RALYL: variants seen among roughly 807,000 people sequenced by gnomAD.
RALYL encodes the protein RALY RNA binding protein like, also known as RNA-binding Raly-like protein.
RALYL carries 29 observed loss-of-function variants against 35.1 expected under a neutral mutation model. The ratio of observed to expected loss-of-function variants is 0.83; its 90% confidence interval spans 0.61 to 1.13. The LOEUF is 1.13. Among genes scored for constraint, RALYL ranks in the 50% most tolerant of loss-of-function variants. The pLI is 0.00. For missense variants in RALYL, 359 were observed against 360.4 expected (o/e 1.00, Z 0.03); for synonymous variants, 120 against 127.6 (o/e 0.94, Z 0.40).
chr8:84,624,084 T>C (rs144559563), intron 2 of RALYL, among the ~76,000 whole-genome samples: 173 of 152,336 alleles, frequency 1.1e-3, no homozygotes, highest in African/African-American at 4.1e-3. Context: ...ATATTCAACA[T>C]CCCTCTCTGT....
chr8:84,187,513 A>G (rs1480267357), intron 1 of RALYL, among the ~76,000 whole-genome samples: 1 of 152,074 alleles, frequency 6.6e-6, no homozygotes, highest in African/African-American at 2.4e-5. Context: ...CAAGGGGGAA[A>G]AGTTCCAAAC....
intron 2 of RALYL, among the ~76,000 whole-genome samples, chr8:84,645,247 GT>G (rs1420470411): frequency 6.6e-6 from 1 of 151,654 alleles, no homozygotes; most frequent in African/African-American, 2.4e-5. Context: ...ACTATGTTGT[GT>G]TTTTGTTGTT....
intron 2 of RALYL, among the ~76,000 whole-genome samples, chr8:84,530,031 T>C (rs2059175045): frequency 2.0e-5 from 3 of 152,136 alleles, no homozygotes; most frequent in Non-Finnish European, 4.4e-5. Flanking sequence ...ATTTTTAGAA[T>C]GGGGAAAGGA....
intron 2 of RALYL, among the ~76,000 whole-genome samples, chr8:84,675,433 T>A (rs1834008776): frequency 6.6e-6 from 1 of 152,132 alleles, no homozygotes; most frequent in South Asian, 2.1e-4. Flanking sequence ...ATAGGCGAAC[T>A]GAATGGAATA....
chr8:84,674,553 G>C (rs1293094762), intron 2 of RALYL, among the ~76,000 whole-genome samples: 1 of 152,058 alleles, frequency 6.6e-6, no homozygotes, highest in Admixed American at 6.6e-5. Flanking sequence ...TTCTTTTGTA[G>C]TTATCTCTGG....
intron 2 of RALYL, among the ~76,000 whole-genome samples, chr8:84,727,973 C>T (rs1280964427): frequency 6.6e-6 from 1 of 151,898 alleles, no homozygotes; most frequent in South Asian, 2.1e-4. Context: ...ATTTATCGTC[C>T]TTTGGGTATA....
chr8:84,616,677 C>T (rs1417363442), intron 2 of RALYL, among the ~76,000 whole-genome samples: 1 of 151,494 alleles, frequency 6.6e-6, no homozygotes. Context: ...ATGCCTATGT[C>T]CTGAATGGTA....
intron 4 of RALYL, among the ~76,000 whole-genome samples, chr8:84,840,797 A>T (rs1833099413): frequency 1.3e-5 from 2 of 152,358 alleles, no homozygotes; most frequent in Admixed American, 1.3e-4. Context: ...GCCAGAAGAG[A>T]GTGGGGGCCA....
At chr8:84,816,032 C>CAAA (rs5892931) in intron 4 of RALYL, among the ~76,000 whole-genome samples, 28 of 84,176 alleles carry the variant, frequency 3.3e-4, no homozygotes, top group African/African-American at 6.8e-4. Context: ...GACTCTGTCT[C>CAAA]AAAAAAAAAA....
intron 1 of RALYL, among the ~76,000 whole-genome samples, chr8:84,273,759 C>G (rs868864785): frequency 4.6e-5 from 7 of 152,270 alleles, no homozygotes; most frequent in Middle Eastern, 6.8e-3. Context: ...AGGGCAAGAG[C>G]CTTTTTATTA....
At chr8:84,835,971 G>C (rs1831938414) in intron 4 of RALYL, among the ~76,000 whole-genome samples, 1 of 152,272 alleles carries the variant, frequency 6.6e-6, no homozygotes, top group African/African-American at 2.4e-5. Flanking sequence ...ACATTTTGGA[G>C]AGTGCTGAAT....
At position 84,850,032 on chromosome 8, in the gene RALYL, G is replaced by A; in HGVS notation, c.413+5G>A. 2 of 1,457,392 alleles carry A rather than the reference G, an allele frequency of 1.4e-6. No individual in the cohort carries two copies. The highest frequency in any genetic ancestry group is 1.8e-6 in the Non-Finnish European group (2 of 1,092,314). 90.3% of individuals were successfully genotyped at this position (1,457,392 alleles called of 1,614,324 possible). ...CAGAGATGATTTCTACAATCGGTATGTGAATTTTTCATCCTTGTTTTCCTA... is the reference window on the plus strand; with the variant it reads ...CAGAGATGATTTCTACAATCGGTATATGAATTTTTCATCCTTGTTTTCCTA... On this transcript the variant is annotated splice_donor_5th_base_variant and intron_variant, in intron 5 of 8. Transcript: ENST00000521268.
intron 1 of RALYL, among the ~76,000 whole-genome samples, chr8:84,356,513 C>A (rs1851862729): frequency 6.7e-6 from 1 of 150,196 alleles, no homozygotes. Context: ...AAGGATGGAA[C>A]AGGAAAGTAT....
At chr8:84,595,709 CA>C (rs1336763749) in intron 2 of RALYL, among the ~76,000 whole-genome samples, 1 of 149,458 alleles carries the variant, frequency 6.7e-6, no homozygotes, top group African/African-American at 2.5e-5. Flanking sequence ...CATTTTCTAG[CA>C]ACATTATTTT....
chr8:84,365,205 C>T (rs1186476746), intron 1 of RALYL, among the ~76,000 whole-genome samples: 6 of 152,220 alleles, frequency 3.9e-5, no homozygotes, highest in East Asian at 1.9e-4. Context: ...TGTTTGGGCA[C>T]TCTTGGGCAT....
intron 1 of RALYL, among the ~76,000 whole-genome samples, chr8:84,499,376 G>A (rs2056425380): frequency 1.3e-5 from 2 of 152,164 alleles, no homozygotes; most frequent in South Asian, 4.1e-4. Flanking sequence ...AATTAAGTTA[G>A]TGCCTTGTGA....
At position 84,223,347 on chromosome 8, in the gene RALYL, T is replaced by A. The variant is rs1822988608; in HGVS notation, c.-24+38923T>A. On this transcript the variant is annotated intron_variant, in intron 1 of 8. Coordinates refer to ENST00000521268, the MANE Select transcript of RALYL (RefSeq NM_173848.7). ...GAGGGTCTTAATAGGCTCTTTTGTC[T>A]CCACCTCATCTGACTAGTTCAGACT... 2.6e-5 allele frequency among the ~76,000 whole-genome samples: 4 copies of A among 152,054 alleles called. 1 individual carries two copies. The South Asian group carries it at 8.3e-4, about 31-fold the overall frequency.
intron 4 of RALYL, among the ~76,000 whole-genome samples, chr8:84,805,019 T>G (rs1310207699): frequency 6.6e-6 from 1 of 152,208 alleles, no homozygotes; most frequent in Non-Finnish European, 1.5e-5. Context: ...TATGAAATCC[T>G]GTATCTTCCA....
At chr8:84,753,742 G>A (rs920044164) in intron 2 of RALYL, among the ~76,000 whole-genome samples, 1 of 152,090 alleles carries the variant, frequency 6.6e-6, no homozygotes, top group African/African-American at 2.4e-5. Flanking sequence ...AGTTTCTTGA[G>A]GCCTCCCCAG....
Sources: gnomAD v4.1 joint callset for allele counts (sites outside exome capture counted in the v4.1 genomes callset) on GRCh38, gnomAD v4.1.1 for gene constraint, MANE v1.5 for transcripts, NCBI Gene and HGNC (gene_info 2026-07-23, HGNC 2026-07-21) for gene names.